GLDC: variants seen among roughly 807,000 people sequenced by gnomAD.
The protein encoded by GLDC is glycine dehydrogenase (decarboxylating), mitochondrial.
GLDC carries 104 observed loss-of-function variants against 121.3 expected under a neutral mutation model. The ratio of observed to expected loss-of-function variants is 0.86; its 90% confidence interval spans 0.73 to 1.01. The LOEUF (loss-of-function observed/expected upper bound fraction) is 1.01. GLDC is among the 50% of genes least tolerant of loss of function. GLDC has a pLI of 0.00. For synonymous variants in GLDC, 546 were observed against 480.6 expected, an observed-to-expected ratio of 1.14 and a Z score of -1.78; for missense variants, 1,429 against 1,306.6, an observed-to-expected ratio of 1.09 and a Z score of -1.44.
At chr9:6,596,130 T>A (rs1245427767) in intron 8 of GLDC, among the ~76,000 whole-genome samples, 2 of 152,088 alleles carry the variant, frequency 1.3e-5, no homozygotes, top group Non-Finnish European at 2.9e-5. Flanking sequence ...GAGGCTGAGG[T>A]AAAGAATCTG....
At chr9:6,586,873 A>G (rs1261234077) in intron 15 of GLDC, among the ~76,000 whole-genome samples, 1 of 152,174 alleles carries the variant, frequency 6.6e-6, no homozygotes. Context: ...GGAACAAGGA[A>G]GCTCAAGGAA....
intron 2 of GLDC, among the ~76,000 whole-genome samples, chr9:6,636,997 T>G (rs1273954618): frequency 6.6e-6 from 1 of 151,948 alleles, no homozygotes; most frequent in Non-Finnish European, 1.5e-5. Context: ...GGCAGAAGAA[T>G]TGCTTGAACC....
At chr9:6,620,452 C>T in intron 2 of GLDC, 133 bp from the exon 3 acceptor site, 1 of 767,202 alleles carries the variant, frequency 1.3e-6, no homozygotes, top group East Asian at 2.6e-5. Flanking sequence ...GTCATCCATC[C>T]AACCAACACT....
chr9:6,602,314 C>T, intron 7 of GLDC, 109 bp from the exon 8 acceptor site: 1 of 734,030 alleles, frequency 1.4e-6, no homozygotes, highest in Non-Finnish European at 2.5e-6. Flanking sequence ...TCAGCAAATG[C>T]ACTTGGGTGC....
chr9:6,561,795 C>T (rs1235093857), intron 16 of GLDC, among the ~76,000 whole-genome samples: 3 of 152,138 alleles, frequency 2.0e-5, no homozygotes, highest in Non-Finnish European at 2.9e-5. Context: ...CAGGGTGCCG[C>T]GTGGCATAGA....
chr9:6,589,916 G>C (rs181544786), intron 11 of GLDC, among the ~76,000 whole-genome samples: 1 of 152,018 alleles, frequency 6.6e-6, no homozygotes, highest in Admixed American at 6.5e-5. Flanking sequence ...TTAGCCGGTC[G>C]TGTTGGCGGG....
At chr9:6,630,683 C>T (rs1264720396) in intron 2 of GLDC, among the ~76,000 whole-genome samples, 1 of 152,152 alleles carries the variant, frequency 6.6e-6, no homozygotes, top group Non-Finnish European at 1.5e-5. Flanking sequence ...AGCTGTGAAG[C>T]TGAGAGGGAA....
At chr9:6,586,163 C>T (rs1197964910) in intron 15 of GLDC, among the ~76,000 whole-genome samples, 1 of 152,044 alleles carries the variant, frequency 6.6e-6, no homozygotes, top group Non-Finnish European at 1.5e-5. Flanking sequence ...GGTGTGGTAG[C>T]ACATGCCTGT....
In GLDC at chr9:6,534,927, A is replaced by T. The variant is rs1297848260; in HGVS notation, c.2839-139T>A. 1.0e-5 allele frequency: 7 copies of T among 680,362 alleles called. No individual in the cohort carries two copies. The East Asian group carries it at 1.1e-4, about 11-fold the overall frequency. 42.1% of individuals were successfully genotyped at this position (680,362 alleles called of 1,614,324 possible). ...TTTTCTTTCAATTTAGGGGGGTACAATGTGATTTATAATTGTGAAATATTT... is the reference window on the plus strand; with the variant it reads ...TTTTCTTTCAATTTAGGGGGGTACATTGTGATTTATAATTGTGAAATATTT... On this transcript the variant is annotated intron_variant, in intron 23 of 24. Coordinates refer to ENST00000321612, the MANE Select transcript of GLDC (RefSeq NM_000170.3).
chr9:6,587,369 A>C, intron 14 of GLDC, 86 bp from the exon 15 acceptor site: 1 of 1,034,106 alleles, frequency 9.7e-7, no homozygotes, highest in Non-Finnish European at 1.5e-6. Context: ...CGATGATGAG[A>C]AAAGCTATGT....
intron 7 of GLDC, among the ~76,000 whole-genome samples, chr9:6,602,458 C>T (rs1041484634): frequency 6.6e-6 from 1 of 151,170 alleles, no homozygotes; most frequent in African/African-American, 2.4e-5. Context: ...CTCACTGCAA[C>T]CTCTGCCTTC....
At chr9:6,549,063 T>C (rs1310390561) in intron 21 of GLDC, among the ~76,000 whole-genome samples, 1 of 152,164 alleles carries the variant, frequency 6.6e-6, no homozygotes, top group Non-Finnish European at 1.5e-5. Context: ...TTTCAAAGGC[T>C]ACCAAAGGCT....
chr9:6,558,740 A>T (rs1817686720), intron 16 of GLDC, 56 bp from the exon 17 acceptor site: 1 of 1,598,480 alleles, frequency 6.3e-7, no homozygotes, highest in African/African-American at 1.3e-5. Context: ...ACTATGAATA[A>T]TGACAGAAAA....
At chr9:6,597,890 C>A (rs1275194418) in intron 8 of GLDC, among the ~76,000 whole-genome samples, 2 of 151,798 alleles carry the variant, frequency 1.3e-5, no homozygotes, top group Non-Finnish European at 2.9e-5. Flanking sequence ...AGCGAGATGG[C>A]GCTACTGCAC....
intron 2 of GLDC, chr9:6,639,306 G>C (rs747169411): frequency 2.1e-5 from 20 of 934,746 alleles, no homozygotes; most frequent in African/African-American, 3.2e-5. Flanking sequence ...TGCGACTCCA[G>C]AGACAGCCCA....
chr9:6,604,517 A>C, intron 7 of GLDC, 71 bp downstream of exon 7: 1 of 1,365,636 alleles, frequency 7.3e-7, no homozygotes, highest in Non-Finnish European at 1.0e-6. Context: ...GATAGAAATC[A>C]ACATTTGTGA....
intron 1 of GLDC, chr9:6,644,972 T>G: frequency 1.6e-6 from 1 of 611,272 alleles, no homozygotes; most frequent in Non-Finnish European, 2.9e-6. Context: ...TTGCAAAGTT[T>G]AGGTCCATCC....
At chr9:6,642,756 T>C (rs1383829452) in intron 2 of GLDC, among the ~76,000 whole-genome samples, 1 of 152,148 alleles carries the variant, frequency 6.6e-6, no homozygotes, top group East Asian at 1.9e-4. Context: ...TAAAAATAGC[T>C]AACCTAAACA....
At chr9:6,534,200 AAG>A (rs1817066491) in intron 24 of GLDC, 3 of 159,560 alleles carry the variant, frequency 1.9e-5, no homozygotes, top group Admixed American at 6.0e-5. Flanking sequence ...AAAAAAAAAA[AAG>A]AAAGAAAAAA....
Sources: allele counts gnomAD v4.1 joint callset (sites outside exome capture counted in the v4.1 genomes callset), GRCh38; gene constraint gnomAD v4.1.1; transcripts MANE v1.5; gene names NCBI Gene and HGNC (gene_info 2026-07-23, HGNC 2026-07-21).